The following PCDH1 variants were observed in gnomAD, a reference collection of about 807,000 sequenced individuals.
PCDH1 encodes the protein protocadherin 1.
In PCDH1, 23 loss-of-function variants were observed where a neutral mutation model predicts 74.6. That is an observed-to-expected ratio of 0.31 (90% CI 0.22 to 0.44). The LOEUF (loss-of-function observed/expected upper bound fraction) is 0.44, where lower values mean the gene tolerates loss of function less well. PCDH1 is among the 20% of genes least tolerant of loss of function. The pLI is 1.00. For synonymous variants in PCDH1, 647 were observed against 686.1 expected (o/e 0.94, Z 0.89); for missense variants, 1,214 against 1,641.4 (o/e 0.74, Z 4.50).
At chr5:141,861,063 T>G (rs1011947995) in intron 3 of PCDH1, among the ~76,000 whole-genome samples, 16 of 131,128 alleles carry the variant, frequency 1.2e-4, no homozygotes, top group Non-Finnish European at 1.2e-4. Context: ...TGCAGTGAGC[T>G]GAGATCGTGC....
Position 141,868,920 on chromosome 5 carries a change from G to A in PCDH1, c.552C>T (p.Gly184=), listed in dbSNP as rs1170176129. The change falls in exon 2 of 5, where the codon GGC becomes GGT. Residue 184 remains glycine (G), a synonymous_variant. Coordinates refer to ENST00000287008, the MANE Select transcript of PCDH1 (RefSeq NM_032420.5). The surrounding 1 kb of genome is among the most constrained non-coding windows in gnomAD (Gnocchi z 4.8). ...TLAIPENTNI[G]SLFPIPLASD... is the part of the protein sequence containing the mutation. ...AAGCCAGCGGGATGGGGAAGAGTGA[G>A]CCGATGTTGGTGTTCTCAGGGATGG... The A allele has an allele frequency of 3.1e-6, 5 of 1,614,250 alleles. No homozygotes were observed. Among genetic ancestry groups the A allele is most frequent in the Non-Finnish European group, 4.2e-6 (5 of 1,180,056 alleles).
rs1596558433 is a variant in PCDH1 at position 141,868,085 on chromosome 5, T to C, written c.903+484A>G. ...AGGGTCCCACCTGGCTAAAATGATC[T>C]CATCTGACTTTGTCAGGAAGAGGCA... On this transcript the variant is annotated intron_variant, in intron 2 of 4. Coordinates refer to ENST00000287008, the MANE Select transcript of PCDH1 (RefSeq NM_032420.5). The surrounding 1 kb of genome is among the most constrained non-coding windows in gnomAD (Gnocchi z 4.8). Among the ~76,000 whole-genome samples, 1 of 152,218 alleles carries C rather than the reference T, an allele frequency of 6.6e-6. No homozygotes were observed. The highest frequency in any genetic ancestry group is 6.5e-5 in the Admixed American group (1 of 15,278).
At position 141,869,547 on chromosome 5, in the gene PCDH1, G is replaced by A. The variant is rs1753032943; in HGVS notation, c.41-116C>T. On this transcript the variant is annotated intron_variant, in intron 1 of 4. Transcript: ENST00000287008. The surrounding 1 kb of genome is among the most constrained non-coding windows in gnomAD (Gnocchi z 4.9). ...CCCACTGACACACGATTCTCCACAA[G>A]AGCAGTCAGTCCCAGCACAGAACCC... 4 of 1,539,412 alleles carry A rather than the reference G, an allele frequency of 2.6e-6. No homozygotes were observed. The highest frequency in any genetic ancestry group is 3.5e-6 in the Non-Finnish European group (4 of 1,148,710).
chr5:141,878,093 C>T lies in PCDH1; in HGVS notation c.40+130G>A. The stretch of plus-strand genomic sequence containing the variant: ...GGGCTCCCAGCAGCCCCCACCTCAG[C>T]CCCCTCGCGCCGAGCTCGTGTTGGG... On this transcript the variant is annotated intron_variant, in intron 1 of 4. Transcript: ENST00000287008. This position sits in a 1 kb window ranked among gnomAD's most constrained non-coding sequence, Gnocchi z 5.5. 1 of 788,498 alleles carries T rather than the reference C, an allele frequency of 1.3e-6. No homozygotes were observed. The highest frequency in any genetic ancestry group is 1.8e-6 in the Non-Finnish European group (1 of 560,798). The allele number at this position is 788,498 out of a possible 1,614,324, so 48.8% of individuals were successfully genotyped here. A position where few individuals can be genotyped will look rare whatever the true frequency, so the allele number is the denominator to read the frequency against.
intron 1 of PCDH1, among the ~76,000 whole-genome samples, chr5:141,870,260 A>C (rs1012735207): frequency 1.3e-5 from 2 of 149,606 alleles, no homozygotes; most frequent in African/African-American, 5.1e-5. Flanking sequence ...CAGAGCGTGC[A>C]CACATGCCCC....
In PCDH1 at chr5:141,854,194, G is replaced by T; in HGVS notation, c.3562C>A (p.Leu1188Met). 6.2e-7 allele frequency: 1 copy of T among 1,610,152 alleles called. No homozygotes were observed. The highest frequency in any genetic ancestry group is 8.5e-7 in the Non-Finnish European group (1 of 1,177,454). The change falls in exon 5 of 5, where the codon CTG becomes ATG. Residue 1188 changes from leucine (L) to methionine (M), a missense_variant. By Grantham distance (15) the Leu-to-Met change is conservative. This residue lies in a region of PCDH1 where 194 missense variants were observed against 198.3 expected (regional missense o/e 0.98). Coordinates refer to ENST00000287008, the MANE Select transcript of PCDH1 (RefSeq NM_032420.5). ...RNTKTAPVRLLPSYSAFSHSS... is the reference protein window; with the variant it reads ...RNTKTAPVRLMPSYSAFSHSS... ...TGGGAGAAGGCACTGTAGGAGGGCA[G>T]GAGGCGCACGGGGGCCGTTTTGGTG...
chr5:141,857,134 G>C, intron 4 of PCDH1, 118 bp downstream of exon 4: 1 of 801,914 alleles, frequency 1.2e-6, no homozygotes, highest in Admixed American at 3.1e-5. Context: ...CCCTCAGCAC[G>C]GTGATGATGA....
At position 141,863,189 on chromosome 5, in the gene PCDH1, G is replaced by A; in HGVS notation, c.3099+43C>T. On this transcript the variant is annotated intron_variant, in intron 3 of 4. Coordinates refer to ENST00000287008, the MANE Select transcript of PCDH1 (RefSeq NM_032420.5). The surrounding 1 kb of genome is among the most constrained non-coding windows in gnomAD (Gnocchi z 7.5). ...GTCCAGATGGCTCCGTGGTAGGGGT[G>A]GGGTAGGGGCTGGGGTGTGCTGAGC... The A allele has an allele frequency of 6.6e-7, 1 of 1,522,670 alleles. No homozygotes were observed. Among genetic ancestry groups the A allele is most frequent in the Non-Finnish European group, 8.8e-7 (1 of 1,134,534 alleles). The allele number at this position is 1,522,670 out of a possible 1,614,324, so 94.3% of individuals were successfully genotyped here. A position where few individuals can be genotyped will look rare whatever the true frequency, so the allele number is the denominator to read the frequency against.
rs549272084 is a variant in PCDH1 at position 141,867,650 on chromosome 5, T to A, written c.903+919A>T. ...AAAAAAAGGCTGAAACTCCCACCCATCTCCCACTTTGGCTTGAGGACCCAG... is the reference window on the plus strand; with the variant it reads ...AAAAAAAGGCTGAAACTCCCACCCAACTCCCACTTTGGCTTGAGGACCCAG... On this transcript the variant is annotated intron_variant, in intron 2 of 4. Coordinates refer to ENST00000287008, the MANE Select transcript of PCDH1 (RefSeq NM_032420.5). The A allele has an allele frequency of 9.1e-6, 4 of 439,292 alleles. No individual in the cohort carries two copies. The East Asian group carries it at 2.8e-4, about 31-fold the overall frequency. The allele number at this position is 439,292 out of a possible 1,614,324, so 27.2% of individuals were successfully genotyped here.
intron 1 of PCDH1, among the ~76,000 whole-genome samples, chr5:141,876,381 G>T (rs1350393308): frequency 6.6e-6 from 1 of 152,082 alleles, no homozygotes; most frequent in Admixed American, 6.5e-5. Flanking sequence ...CGCGAGCGGC[G>T]CAGCGGGCGC....
chr5:141,864,413 C>T lies in PCDH1; in HGVS notation c.1918G>A (p.Asp640Asn). 6.2e-7 allele frequency: 1 copy of T among 1,614,144 alleles called. No individual in the cohort carries two copies. Among genetic ancestry groups the T allele is most frequent in the Non-Finnish European group, 8.5e-7 (1 of 1,180,016 alleles). The change falls in exon 3 of 5, where the codon GAC becomes AAC. Residue 640 changes from aspartate to asparagine, a missense_variant. Physicochemically the swap from Asp to Asn is conservative, Grantham distance 23. Coordinates refer to ENST00000287008, the MANE Select transcript of PCDH1 (RefSeq NM_032420.5). The surrounding 1 kb of genome is among the most constrained non-coding windows in gnomAD (Gnocchi z 5.9). ...TGCACCTGGGCATTCTCCCCCTTGT[C>T]TCCATCAATGACAGTCACCATGCCC... ...PVGMVTVIDG[D>N]KGENAQVQLS...
rs369271105 is a variant in PCDH1, at chr5:141,863,661, C to T, written c.2670G>A (p.Lys890=). 28 of 1,614,212 alleles carry T rather than the reference C, an allele frequency of 1.7e-5. No homozygotes were observed. Among genetic ancestry groups the T allele is most frequent in the East Asian group, 4.5e-5 (2 of 44,882 alleles). Residue 890 remains lysine, a synonymous_variant, in exon 3 of 5, where the codon AAG becomes AAA. Coordinates refer to ENST00000287008, the MANE Select transcript of PCDH1 (RefSeq NM_032420.5). This position sits in a 1 kb window ranked among gnomAD's most constrained non-coding sequence, Gnocchi z 7.5. ...REAKSGYQAG[K]KETKDLYAPK... is the part of the protein sequence containing the mutation. ...GGGCATACAGGTCCTTGGTCTCCTT[C>T]TTACCAGCCTGGTAACCACTTTTGG...
intron 3 of PCDH1, among the ~76,000 whole-genome samples, chr5:141,860,251 A>G (rs1752512166): frequency 6.6e-6 from 1 of 152,070 alleles, no homozygotes; most frequent in East Asian, 1.9e-4. Flanking sequence ...GGCAGCTCAC[A>G]CCTGTCATCC....
chr5:141,864,221 T>A lies in PCDH1; in HGVS notation c.2110A>T (p.Asn704Tyr). ...GCGTTGTCATTCTCGTCCAGCACAT[T>A]GATGGTGACACCAACGTAAGCTGAG... ...PRSAYVGVTINVLDENDNAPY... is the reference protein window; with the variant it reads ...PRSAYVGVTIYVLDENDNAPY... Residue 704 changes from asparagine (N) to tyrosine (Y), a missense_variant, in exon 3 of 5, where the codon AAT becomes TAT. Asn to Tyr is a moderately radical substitution (Grantham distance 143). Coordinates refer to ENST00000287008, the MANE Select transcript of PCDH1 (RefSeq NM_032420.5). This position sits in a 1 kb window ranked among gnomAD's most constrained non-coding sequence, Gnocchi z 5.9. 1 of 1,607,510 alleles carries A rather than the reference T, an allele frequency of 6.2e-7. No individual in the cohort carries two copies. The highest frequency in any genetic ancestry group is 8.5e-7 in the Non-Finnish European group (1 of 1,174,694).
In PCDH1 at chr5:141,878,104, C is replaced by G; in HGVS notation, c.40+119G>C. The G allele has an allele frequency of 1.1e-6, 1 of 930,724 alleles. No individual in the cohort carries two copies. Among genetic ancestry groups the G allele is most frequent in the Non-Finnish European group, 1.5e-6 (1 of 686,236 alleles). 57.7% of individuals were successfully genotyped at this position (930,724 alleles called of 1,614,324 possible). ...AGCCCCCACCTCAGCCCCCTCGCGCCGAGCTCGTGTTGGGCCCCCGCGGCC... is the reference window on the plus strand; with the variant it reads ...AGCCCCCACCTCAGCCCCCTCGCGCGGAGCTCGTGTTGGGCCCCCGCGGCC... On this transcript the variant is annotated intron_variant, in intron 1 of 4. Transcript: ENST00000287008. This position sits in a 1 kb window ranked among gnomAD's most constrained non-coding sequence, Gnocchi z 5.5.
At chr5:141,854,937 G>A (rs1286601060) in intron 4 of PCDH1, among the ~76,000 whole-genome samples, 1 of 150,088 alleles carries the variant, frequency 6.7e-6, no homozygotes, top group Admixed American at 6.7e-5. Context: ...CTCCCAAAGT[G>A]TTGGGATTAC....
chr5:141,860,387 CTG>C (rs112837350), intron 3 of PCDH1, among the ~76,000 whole-genome samples: 41 of 151,634 alleles, frequency 2.7e-4, no homozygotes, highest in African/African-American at 9.2e-4. Flanking sequence ...TGGTGCACGA[CTG>C]TAGTCCCAGC....
rs1753042096 is a variant in PCDH1, at chr5:141,869,781, C to T, written c.41-350G>A. 2 of 985,430 alleles carry T rather than the reference C, an allele frequency of 2.0e-6. No individual in the cohort carries two copies. Among genetic ancestry groups the T allele is most frequent in the Non-Finnish European group, 1.2e-6 (1 of 829,926 alleles). 61.0% of individuals were successfully genotyped at this position (985,430 alleles called of 1,614,324 possible). ...CCTCCTTGCTCTCTGCTCTGTGCTT[C>T]ACCCAACACCTCCTTCTCACGAGCA... On this transcript the variant is annotated intron_variant, in intron 1 of 4. Coordinates refer to ENST00000287008, the MANE Select transcript of PCDH1 (RefSeq NM_032420.5). This position sits in a 1 kb window ranked among gnomAD's most constrained non-coding sequence, Gnocchi z 4.9.
rs11949917 is a variant in PCDH1 at position 141,878,073 on chromosome 5, C to T, written c.40+150G>A. The stretch of plus-strand genomic sequence containing the variant: ...TCAGCCGCATCCCCTGCTATGGGCT[C>T]CCAGCAGCCCCCACCTCAGCCCCCT... On this transcript the variant is annotated intron_variant, in intron 1 of 4. Coordinates refer to ENST00000287008, the MANE Select transcript of PCDH1 (RefSeq NM_032420.5). This position sits in a 1 kb window ranked among gnomAD's most constrained non-coding sequence, Gnocchi z 5.5. 8.1e-6 allele frequency: 5 copies of T among 617,080 alleles called. No individual in the cohort carries two copies. The South Asian group carries it at 1.4e-4, about 17-fold the overall frequency. 38.2% of individuals were successfully genotyped at this position (617,080 alleles called of 1,614,324 possible).
Sources: allele counts gnomAD v4.1 joint callset (sites outside exome capture counted in the v4.1 genomes callset), GRCh38; gene constraint gnomAD v4.1.1; regional missense constraint gnomAD v4.1.1; non-coding constraint Gnocchi (gnomAD v3.1); transcripts MANE v1.5; gene names NCBI Gene and HGNC (gene_info 2026-07-23, HGNC 2026-07-21).